Variants in PDK3 observed in about 807,000 individuals in gnomAD.
PDK3 encodes the protein pyruvate dehydrogenase kinase 3.
A neutral mutation model predicts 32.0 loss-of-function variants in PDK3; 12 were observed. That is an observed-to-expected ratio of 0.37 (90% CI 0.24 to 0.61). The LOEUF is 0.61. Among genes scored for constraint, PDK3 ranks in the 20% least tolerant of loss-of-function variants. The pLI, the probability that PDK3 is intolerant of heterozygous loss-of-function variation, is 0.65. For missense variants in PDK3, 188 were observed against 316.9 expected, an observed-to-expected ratio of 0.59 and a Z score of 3.09; for synonymous variants, 122 against 116.3, an observed-to-expected ratio of 1.05 and a Z score of -0.31.
intron 5 of PDK3, among the ~76,000 whole-genome samples, chrX:24,512,899 G>T (rs1416923855): frequency 9.0e-6 from 1 of 111,497 alleles, no homozygotes; most frequent in African/African-American, 3.3e-5. Context: ...CTGTGTACTG[G>T]ACGACTCAGT....
chrX:24,472,851 C>T (rs1375593399), intron 1 of PDK3, among the ~76,000 whole-genome samples: 4 of 106,718 alleles, frequency 3.7e-5, no homozygotes, highest in Non-Finnish European at 5.8e-5. Context: ...ACATGCCCAG[C>T]TAATTTTGTA....
intron 1 of PDK3, among the ~76,000 whole-genome samples, chrX:24,473,266 C>T (rs1921020024): frequency 9.6e-6 from 1 of 104,607 alleles, no homozygotes; most frequent in Non-Finnish European, 2.0e-5. Flanking sequence ...CCCAGGTACT[C>T]GGGAGGCTGA....
chrX:24,509,123 G>C (rs1017208856), intron 5 of PDK3, among the ~76,000 whole-genome samples: 4 of 111,816 alleles, frequency 3.6e-5, no homozygotes, highest in African/African-American at 1.3e-4. Context: ...CCAAAAAGTA[G>C]CTGAAGGTTA....
intron 3 of PDK3, 87 bp from the exon 4 acceptor site, chrX:24,503,240 C>T: frequency 1.8e-6 from 1 of 545,912 alleles, no homozygotes; most frequent in Non-Finnish European, 2.8e-6. Context: ...TACCAGCAGA[C>T]AACTAGTCTG....
intron 6 of PDK3, among the ~76,000 whole-genome samples, chrX:24,523,552 A>G (rs1011687214): frequency 2.7e-5 from 3 of 112,399 alleles, no homozygotes; most frequent in Non-Finnish European, 5.6e-5. Context: ...AAGGGAAGGC[A>G]GAGGGTAGGG....
intron 5 of PDK3, among the ~76,000 whole-genome samples, chrX:24,508,873 C>T (rs1007893334): frequency 3.6e-5 from 4 of 110,954 alleles, no homozygotes; most frequent in Non-Finnish European, 7.6e-5. Context: ...CCATCATGCC[C>T]GGCTAATTTT....
At chrX:24,471,147 T>C (rs1920987879) in intron 1 of PDK3, among the ~76,000 whole-genome samples, 1 of 111,257 alleles carries the variant, frequency 9.0e-6, no homozygotes, top group Non-Finnish European at 1.9e-5. Flanking sequence ...GGCACGTGTA[T>C]ACCTATGTAA....
At chrX:24,511,848 C>CAA (rs769237369) in intron 5 of PDK3, among the ~76,000 whole-genome samples, 2 of 53,239 alleles carry the variant, frequency 3.8e-5, no homozygotes, top group Non-Finnish European at 7.2e-5. Context: ...AGCTCCATCT[C>CAA]AAAAAAAAAA....
At chrX:24,532,334 T>C (rs769659674) in intron 10 of PDK3, among the ~76,000 whole-genome samples, 3 of 112,229 alleles carry the variant, frequency 2.7e-5, no homozygotes, top group Middle Eastern at 4.6e-3. Context: ...CTTAAAAAAC[T>C]ACATGCCTAT....
intron 1 of PDK3, among the ~76,000 whole-genome samples, chrX:24,490,044 A>T (rs999598085): frequency 8.9e-6 from 1 of 112,178 alleles, no homozygotes; most frequent in Non-Finnish European, 1.9e-5. Context: ...ATGGCCTCAG[A>T]CTATTCTGTT....
At chrX:24,470,257 G>A (rs1180523089) in intron 1 of PDK3, among the ~76,000 whole-genome samples, 2 of 112,017 alleles carry the variant, frequency 1.8e-5, no homozygotes, top group Non-Finnish European at 3.8e-5. Flanking sequence ...AGATTTGGTA[G>A]AACTTCATAT....
At chrX:24,469,387 A>T (rs1920970872) in intron 1 of PDK3, among the ~76,000 whole-genome samples, 1 of 110,315 alleles carries the variant, frequency 9.1e-6, no homozygotes, top group Non-Finnish European at 1.9e-5. Context: ...CCTTCACCAC[A>T]TTGTTGTCAA....
At chrX:24,515,157 C>A (rs1922221835) in intron 5 of PDK3, among the ~76,000 whole-genome samples, 1 of 112,357 alleles carries the variant, frequency 8.9e-6, no homozygotes, top group Non-Finnish European at 1.9e-5. Context: ...ACCATTAATG[C>A]CCTCAAAATA....
Position 24,531,787 on chromosome X carries a change from G to A in PDK3, c.1077+17G>A, listed in dbSNP as rs776778315. On this transcript the variant is annotated intron_variant, in intron 10 of 10. Coordinates refer to ENST00000379162, the MANE Select transcript of PDK3 (RefSeq NM_005391.5). ...TATTTGAAGGTACTGCGTTTTATTT[G>A]TTAGTATGAGGCATCTTTGCTTTTT... 11 of 903,402 alleles carry A rather than the reference G, an allele frequency of 1.2e-5. No homozygotes were observed. In the South Asian group the frequency reaches 1.9e-4, roughly 15 times the overall value. The allele number at this position is 903,402 out of a possible 1,213,427, so 74.5% of individuals were successfully genotyped here.
At position 24,465,305 on chromosome X, in the gene PDK3, T is replaced by TGCTGCTGCTGCG. The variant is rs1555943942; in HGVS notation, c.-143_-142insTGCGGCTGCTGC. On this transcript the variant is annotated 5_prime_UTR_variant, in exon 1 of 11. Transcript: ENST00000379162. Reference sequence around the variant, plus strand: ...CCCGCCGCTGTCCTGGAGCTGCTGCTGCTGCTGCGGCGGCTGCACCGGCGG... The same window carrying TGCTGCTGCTGCG: ...CCCGCCGCTGTCCTGGAGCTGCTGCTGCTGCTGCTGCGGCTGCTGCGGCGGCTGCACCGGCGG... 3 of 353,226 alleles carry TGCTGCTGCTGCG rather than the reference T, an allele frequency of 8.5e-6. No individual in the cohort carries two copies. The highest frequency in any genetic ancestry group is 1.6e-3 in the Middle Eastern group (2 of 1,223). 29.1% of individuals were successfully genotyped at this position (353,226 alleles called of 1,213,427 possible). A position where few individuals can be genotyped will look rare whatever the true frequency, so the allele number is the denominator to read the frequency against.
chrX:24,482,173 C>A (rs1014959803), intron 1 of PDK3, among the ~76,000 whole-genome samples: 1 of 111,784 alleles, frequency 8.9e-6, no homozygotes, highest in African/African-American at 3.2e-5. Flanking sequence ...AAGTTAGGGG[C>A]AAAGCCATGG....
intron 1 of PDK3, among the ~76,000 whole-genome samples, chrX:24,486,034 G>T (rs188482850): frequency 1.8e-5 from 2 of 111,961 alleles, no homozygotes; most frequent in Non-Finnish European, 3.8e-5. Flanking sequence ...AGAGAAGATC[G>T]CATTTTCCAA....
Position 24,505,366 on chromosome X carries a change from G to A in PDK3, c.595+68G>A. 3.7e-6 allele frequency: 3 copies of A among 814,543 alleles called. No individual in the cohort carries two copies. The Admixed American group carries it at 7.1e-5, about 19-fold the overall frequency. The allele number at this position is 814,543 out of a possible 1,213,427, so 67.1% of individuals were successfully genotyped here. ...GATTGTGGTTTATTGGAGGCAGCTTGGCTATAGGGTTATTTTGCAGTGCAG... is the reference window on the plus strand; with the variant it reads ...GATTGTGGTTTATTGGAGGCAGCTTAGCTATAGGGTTATTTTGCAGTGCAG... On this transcript the variant is annotated intron_variant, in intron 5 of 10. Coordinates refer to ENST00000379162, the MANE Select transcript of PDK3 (RefSeq NM_005391.5).
intron 2 of PDK3, among the ~76,000 whole-genome samples, chrX:24,497,215 G>T (rs1257831630): frequency 2.7e-5 from 3 of 111,473 alleles, no homozygotes; most frequent in Non-Finnish European, 5.7e-5. Context: ...TTGACCTCTT[G>T]GCGTTTTGAC....
Sources: gnomAD v4.1 joint callset for allele counts (sites outside exome capture counted in the v4.1 genomes callset) on GRCh38, gnomAD v4.1.1 for gene constraint, MANE v1.5 for transcripts, NCBI Gene and HGNC (gene_info 2026-07-23, HGNC 2026-07-21) for gene names.